ADD1: variants seen among roughly 807,000 people sequenced by gnomAD.
ADD1 encodes adducin 1.
Under a neutral mutation model 80.5 loss-of-function variants are expected in ADD1, and 24 were observed. The ratio of observed to expected loss-of-function variants is 0.30; its 90% confidence interval spans 0.22 to 0.42. The LOEUF is 0.42. ADD1 is among the 10% of genes least tolerant of loss of function. The pLI is 1.00. For missense variants in ADD1, 948 were observed against 1,019.0 expected (o/e 0.93, Z 0.95); for synonymous variants, 373 against 393.8 (o/e 0.95, Z 0.63).
At chr4:2,871,226 C>T (rs1730401072) in intron 1 of ADD1, among the ~76,000 whole-genome samples, 1 of 152,090 alleles carries the variant, frequency 6.6e-6, no homozygotes, top group African/African-American at 2.4e-5. Flanking sequence ...CCTCCTCGGC[C>T]TCCCAAAGTG....
Position 2,852,291 on chromosome 4 carries a change from CTTTTCTTTTCTTTTCTTTT to C in ADD1, c.-21+8286_-21+8304del, listed in dbSNP as rs1247839590. Among the ~76,000 whole-genome samples the C allele has an allele frequency of 3.4e-3, 371 of 108,492 alleles. 1 individual carries two copies. Among genetic ancestry groups the C allele is most frequent in the Non-Finnish European group, 5.4e-3 (273 of 50,992 alleles). The allele number at this position is 108,492 out of a possible 152,430, so 71.2% of individuals were successfully genotyped here. ...CTTCCTTCCTTCCTTCTTTTCTTTT[CTTTTCTTTTCTTTTCTTTT>C]TTTTCTTTTCTTTTCTTTCTTTTTT... On this transcript the variant is annotated intron_variant, in intron 1 of 15. Coordinates refer to ENST00000683351, the MANE Select transcript of ADD1 (RefSeq NM_001354761.2).
At chr4:2,917,995 T>C (rs893676931) in intron 14 of ADD1, among the ~76,000 whole-genome samples, 3 of 152,244 alleles carry the variant, frequency 2.0e-5, no homozygotes, top group African/African-American at 7.2e-5. Context: ...AGGATTGTCT[T>C]GGCCATACGG....
At chr4:2,859,808 A>G (rs1333233880) in intron 1 of ADD1, among the ~76,000 whole-genome samples, 2 of 152,116 alleles carry the variant, frequency 1.3e-5, no homozygotes, top group African/African-American at 4.8e-5. Flanking sequence ...CTTTAGACAC[A>G]TTGTTTGCTG....
chr4:2,926,706 G>C lies in ADD1; in HGVS notation c.2047+594G>C, dbSNP rs760836905. ...TACCGTGCTGCCTCCGCTCTCCACCGGTGCCCTGCGCTTTGCCTCATTCTC... is the reference window on the plus strand; with the variant it reads ...TACCGTGCTGCCTCCGCTCTCCACCCGTGCCCTGCGCTTTGCCTCATTCTC... On this transcript the variant is annotated intron_variant, in intron 15 of 15. Coordinates refer to ENST00000683351, the MANE Select transcript of ADD1 (RefSeq NM_001354761.2). The surrounding 1 kb of genome is among the most constrained non-coding windows in gnomAD (Gnocchi z 5.0). 13 of 1,608,864 alleles carry C rather than the reference G, an allele frequency of 8.1e-6. No individual in the cohort carries two copies. The East Asian group carries it at 2.7e-4, about 33-fold the overall frequency.
At chr4:2,861,521 CAG>C (rs753921872) in intron 1 of ADD1, among the ~76,000 whole-genome samples, 66 of 152,120 alleles carry the variant, frequency 4.3e-4, no homozygotes, top group Admixed American at 3.3e-4. Flanking sequence ...AATATTCAAA[CAG>C]ATGTTTTGTT....
intron 13 of ADD1, among the ~76,000 whole-genome samples, chr4:2,912,869 G>C (rs558956869): frequency 1.3e-5 from 2 of 152,204 alleles, no homozygotes; most frequent in African/African-American, 4.8e-5. Flanking sequence ...GTTTGAGACG[G>C]AGTCTTGCTC....
chr4:2,903,680 T>A (rs144336184), intron 9 of ADD1, among the ~76,000 whole-genome samples: 1 of 152,298 alleles, frequency 6.6e-6, no homozygotes, highest in South Asian at 2.1e-4. Flanking sequence ...TTCCGCTACT[T>A]AGAAGCAAGT....
chr4:2,912,689 G>A (rs1217133569), intron 13 of ADD1, among the ~76,000 whole-genome samples: 1 of 152,050 alleles, frequency 6.6e-6, no homozygotes, highest in Non-Finnish European at 1.5e-5. Flanking sequence ...ACCATGCTTG[G>A]CTAATTTTTA....
At chr4:2,905,479 T>G (rs777755677) in intron 10 of ADD1, 3 of 219,916 alleles carry the variant, frequency 1.4e-5, no homozygotes, top group Non-Finnish European at 2.7e-5. Context: ...AAACCTGTAT[T>G]TTAGTGTTGT....
At chr4:2,898,981 T>A (rs752341964) in intron 8 of ADD1, 1 of 435,782 alleles carries the variant, frequency 2.3e-6, no homozygotes, top group African/African-American at 2.0e-5. Flanking sequence ...TCTTGACTTA[T>A]GTCTGTGGCG....
intron 1 of ADD1, among the ~76,000 whole-genome samples, chr4:2,860,510 T>C (rs961987963): frequency 6.6e-6 from 1 of 152,238 alleles, no homozygotes; most frequent in Non-Finnish European, 1.5e-5. Flanking sequence ...CTTAGTCATA[T>C]GCCTCTAGAA....
intron 1 of ADD1, among the ~76,000 whole-genome samples, chr4:2,861,026 A>C (rs1391941981): frequency 1.3e-5 from 2 of 152,250 alleles, no homozygotes; most frequent in African/African-American, 4.8e-5. Context: ...GCAAACTTCA[A>C]AATTTCCAGT....
chr4:2,904,794 C>A lies in ADD1; in HGVS notation c.1192C>A (p.Pro398Thr), dbSNP rs776488630. ...GYRTGYPYRY[P>T]ALREKSKKYS... The stretch of plus-strand genomic sequence containing the variant: ...CAGAACTGGCTACCCTTATCGATAC[C>A]CTGCTCTGAGAGAGAAGTCTAAAAA... Residue 398 changes from proline (P) to threonine (T), a missense_variant, in exon 10 of 16, where the codon CCT (proline) becomes ACT (threonine). Transcript: ENST00000683351. The A allele has an allele frequency of 1.9e-6, 3 of 1,614,092 alleles. No homozygotes were observed. Among genetic ancestry groups the A allele is most frequent in the Non-Finnish European group, 8.5e-7 (1 of 1,180,002 alleles).
At chr4:2,858,361 A>G (rs1195081522) in intron 1 of ADD1, among the ~76,000 whole-genome samples, 15 of 152,222 alleles carry the variant, frequency 9.9e-5, no homozygotes, top group Non-Finnish European at 2.9e-5. Flanking sequence ...CCAAGGAAGT[A>G]GATAATGATT....
intron 12 of ADD1, 112 bp from the exon 13 acceptor site, chr4:2,909,227 C>A: frequency 1.2e-6 from 1 of 867,340 alleles, no homozygotes; most frequent in Non-Finnish European, 1.9e-6. Context: ...GCCACACTTA[C>A]TGTTGACAGC....
intron 1 of ADD1, among the ~76,000 whole-genome samples, chr4:2,865,999 T>C (rs1038933471): frequency 2.6e-5 from 4 of 152,210 alleles, no homozygotes; most frequent in African/African-American, 9.7e-5. Flanking sequence ...AGAGTCTCTC[T>C]GGGTTGTGTT....
Position 2,876,050 on chromosome 4 carries a change from T to C in ADD1, c.135T>C (p.Leu45=), listed in dbSNP as rs1189000760. ...YLRERNMAPD[L]RQDFNMMEQK... ...GGGAGAGGAACATGGCACCAGACCT[T>C]CGCCAGGACTTCAACATGATGGAGC... The change falls in exon 2 of 16, where the codon CTT becomes CTC. Residue 45 remains leucine, a synonymous_variant. Transcript: ENST00000683351. 1 of 1,614,086 alleles carries C rather than the reference T, an allele frequency of 6.2e-7. No individual in the cohort carries two copies. Among genetic ancestry groups the C allele is most frequent in the South Asian group, 1.1e-5 (1 of 91,072 alleles).
intron 1 of ADD1, among the ~76,000 whole-genome samples, chr4:2,870,973 T>C (rs1293571217): frequency 1.4e-5 from 2 of 145,550 alleles, no homozygotes; most frequent in African/African-American, 2.6e-5. Flanking sequence ...TTTTCTTTCT[T>C]TTTTTTTTTT....
rs1712494627 is a variant in ADD1 at position 2,928,930 on chromosome 4, G to C, written c.*407G>C. 5.1e-6 allele frequency: 1 copy of C among 195,268 alleles called. No homozygotes were observed. The highest frequency in any genetic ancestry group is 1.0e-5 in the Non-Finnish European group (1 of 98,246). 12.1% of individuals were successfully genotyped at this position (195,268 alleles called of 1,614,324 possible). A position where few individuals can be genotyped will look rare whatever the true frequency, so the allele number is the denominator to read the frequency against. The stretch of plus-strand genomic sequence containing the variant: ...GCTTCCCCTCCACCCTAAAGTCTCA[G>C]GTGACGGACTCAGACTCCTGGCTTC... On this transcript the variant is annotated 3_prime_UTR_variant, in exon 16 of 16. Coordinates refer to ENST00000683351, the MANE Select transcript of ADD1 (RefSeq NM_001354761.2).
Sources: gnomAD v4.1 joint callset for allele counts (sites outside exome capture counted in the v4.1 genomes callset) on GRCh38, gnomAD v4.1.1 for gene constraint, Gnocchi (gnomAD v3.1) non-coding constraint, MANE v1.5 for transcripts, NCBI Gene and HGNC (gene_info 2026-07-23, HGNC 2026-07-21) for gene names.